Variants in COG5 observed in about 807,000 individuals in gnomAD.
COG5 encodes conserved oligomeric Golgi complex subunit 5.
A neutral mutation model predicts 110.4 loss-of-function variants in COG5; 86 were observed. The ratio of observed to expected loss-of-function variants is 0.78; its 90% CI spans 0.65 to 0.93. The LOEUF is 0.93. COG5 is among the 40% of genes least tolerant of loss of function. The probability of loss-of-function intolerance (pLI) is 0.00; values close to 1 mark genes in which losing one functional copy is unlikely to be tolerated. For synonymous variants in COG5, 360 were observed against 334.6 expected, an observed-to-expected ratio of 1.08 and a Z score of -0.83; for missense variants, 1,077 against 987.0, an observed-to-expected ratio of 1.09 and a Z score of -1.22.
intron 19 of COG5, among the ~76,000 whole-genome samples, chr7:107,227,617 C>T (rs1800445086): frequency 6.6e-6 from 1 of 151,806 alleles, no homozygotes; most frequent in Non-Finnish European, 1.5e-5. Flanking sequence ...GACCTTGTAT[C>T]TCCATACTAT....
At chr7:107,555,888 C>A (rs987776241) in intron 2 of COG5, among the ~76,000 whole-genome samples, 1 of 152,012 alleles carries the variant, frequency 6.6e-6, no homozygotes, top group African/African-American at 2.4e-5. Context: ...GTGGTGCACA[C>A]CTGTAATCTC....
At chr7:107,410,310 C>T (rs572190894) in intron 7 of COG5, among the ~76,000 whole-genome samples, 2 of 152,098 alleles carry the variant, frequency 1.3e-5, no homozygotes, top group Non-Finnish European at 2.9e-5. Context: ...GTTGAAGAGA[C>T]ACATCTTTGA....
In COG5 at chr7:107,202,265, C is replaced by T. The variant is rs1408127330; in HGVS notation, c.*1251G>A. On this transcript the variant is annotated 3_prime_UTR_variant, in exon 22 of 22. Transcript: ENST00000297135. ...CTTTATGGTGGGGGCAGACTTTGCA[C>T]TTACTGCAGTGCAACACTTGCACTT... is the stretch of plus-strand genomic sequence containing the variant. 1 of 152,624 alleles carries T rather than the reference C, an allele frequency of 6.6e-6. No homozygotes were observed. The highest frequency in any genetic ancestry group is 1.5e-5 in the Non-Finnish European group (1 of 68,028). 9.5% of individuals were successfully genotyped at this position (152,624 alleles called of 1,614,324 possible). A position where few individuals can be genotyped will look rare whatever the true frequency, so the allele number is the denominator to read the frequency against.
chr7:107,480,952 T>C (rs1212411360), intron 6 of COG5: 1 of 152,180 alleles, frequency 6.6e-6, no homozygotes, highest in East Asian at 1.9e-4. Flanking sequence ...TAATCCTACG[T>C]GTCTCTCCCA....
chr7:107,209,094 C>G lies in COG5; in HGVS notation c.2375+1432G>C, dbSNP rs904555812. 19 of 985,316 alleles carry G rather than the reference C, an allele frequency of 1.9e-5. No homozygotes were observed. In the African/African-American group the frequency reaches 2.6e-4, roughly 14 times the overall value. 61.0% of individuals were successfully genotyped at this position (985,316 alleles called of 1,614,324 possible). On this transcript the variant is annotated intron_variant, in intron 21 of 21. Transcript: ENST00000297135. ...CACATGTGGTTTAGAACCACCTCAT[C>G]ATGTCAGCCCCACTCTGGCTTTAGG...
At chr7:107,547,738 A>C (rs1052204946) in intron 5 of COG5, among the ~76,000 whole-genome samples, 3 of 152,208 alleles carry the variant, frequency 2.0e-5, no homozygotes, top group Admixed American at 6.5e-5. Flanking sequence ...CTAACAATGA[A>C]CTATCCAAAG....
chr7:107,202,187 C>T lies in COG5; in HGVS notation c.*1329G>A, dbSNP rs182338996. On this transcript the variant is annotated 3_prime_UTR_variant, in exon 22 of 22. Coordinates refer to ENST00000297135, the MANE Select transcript of COG5 (RefSeq NM_006348.5). Reference sequence around the variant, plus strand: ...TCAACACCATTGTATTTTTTAACTTCGTGTTCTGTATCTCCTCAGCCATGT... The same window carrying T: ...TCAACACCATTGTATTTTTTAACTTTGTGTTCTGTATCTCCTCAGCCATGT... 74 of 152,732 alleles carry T rather than the reference C, an allele frequency of 4.8e-4. No individual in the cohort carries two copies. The highest frequency in any genetic ancestry group is 4.9e-4 in the Non-Finnish European group (33 of 68,036). 9.5% of individuals were successfully genotyped at this position (152,732 alleles called of 1,614,324 possible).
At chr7:107,292,712 C>T (rs924491561) in intron 12 of COG5, among the ~76,000 whole-genome samples, 1 of 152,136 alleles carries the variant, frequency 6.6e-6, no homozygotes, top group Admixed American at 6.6e-5. Context: ...GTCTAAAGAA[C>T]TCCCCAAACC....
chr7:107,492,094 G>A (rs973534949), intron 6 of COG5, among the ~76,000 whole-genome samples: 1 of 151,306 alleles, frequency 6.6e-6, no homozygotes, highest in Non-Finnish European at 1.5e-5. Context: ...GCAATAAAAC[G>A]TCTTACAATT....
At chr7:107,388,824 C>T (rs1790403355) in intron 7 of COG5, among the ~76,000 whole-genome samples, 1 of 152,064 alleles carries the variant, frequency 6.6e-6, no homozygotes, top group African/African-American at 2.4e-5. Flanking sequence ...CCATGGCGTG[C>T]CTAGGACCCA....
intron 6 of COG5, among the ~76,000 whole-genome samples, chr7:107,501,618 T>C (rs976028873): frequency 6.6e-6 from 1 of 152,170 alleles, no homozygotes; most frequent in Non-Finnish European, 1.5e-5. Flanking sequence ...GTGGTATGAG[T>C]ATTACCTGTT....
intron 2 of COG5, 126 bp downstream of exon 2, chr7:107,557,850 A>G (rs923573068): frequency 1.1e-4 from 144 of 1,256,422 alleles, no homozygotes; most frequent in Non-Finnish European, 1.5e-4. Flanking sequence ...ACTTTGAAAA[A>G]TAAGTCACAC....
At chr7:107,548,231 G>T (rs1802605657) in intron 4 of COG5, 47 bp downstream of exon 4, 1 of 1,602,582 alleles carries the variant, frequency 6.2e-7, no homozygotes, top group Non-Finnish European at 8.5e-7. Flanking sequence ...AATATCAATG[G>T]ATAAAAACAT....
chr7:107,370,802 T>TCATA (rs1554425112), intron 8 of COG5, among the ~76,000 whole-genome samples: 69 of 143,406 alleles, frequency 4.8e-4, no homozygotes, highest in African/African-American at 1.7e-3. Context: ...AAAAAAAAAT[T>TCATA]TATATATATA....
rs973494425 is a variant in COG5, at chr7:107,415,754, A to G, written c.539-3122T>C. Among the ~76,000 whole-genome samples, 7 of 144,622 alleles carry G rather than the reference A, an allele frequency of 4.8e-5. No individual in the cohort carries two copies. The South Asian group carries it at 6.4e-4, about 13-fold the overall frequency. 94.9% of individuals were successfully genotyped at this position (144,622 alleles called of 152,430 possible). A position where few individuals can be genotyped will look rare whatever the true frequency, so the allele number is the denominator to read the frequency against. On this transcript the variant is annotated intron_variant, in intron 6 of 21. Coordinates refer to ENST00000297135, the MANE Select transcript of COG5 (RefSeq NM_006348.5). ...TATGTATATAAATACATGTATGTAT[A>G]TATGTATGTGTGTATATATACACAC...
At chr7:107,255,888 C>A (rs1802844434) in intron 16 of COG5, among the ~76,000 whole-genome samples, 2 of 152,068 alleles carry the variant, frequency 1.3e-5, no homozygotes, top group Admixed American at 1.3e-4. Context: ...AAGATGGTGG[C>A]AAGGTGTAGT....
At chr7:107,316,710 T>C (rs983394876) in intron 11 of COG5, among the ~76,000 whole-genome samples, 3 of 144,582 alleles carry the variant, frequency 2.1e-5, no homozygotes, top group African/African-American at 7.8e-5. Flanking sequence ...CGGGCGGCTA[T>C]AGTCCCAGCT....
At chr7:107,563,723 G>T in intron 1 of COG5, 80 bp downstream of exon 1, 1 of 1,527,946 alleles carries the variant, frequency 6.5e-7, no homozygotes, top group Non-Finnish European at 9.1e-7. Flanking sequence ...CAAAGCAACG[G>T]GTTGGGTCCA....
intron 10 of COG5, among the ~76,000 whole-genome samples, chr7:107,353,060 A>C (rs1385836997): frequency 6.6e-6 from 1 of 152,218 alleles, no homozygotes; most frequent in Non-Finnish European, 1.5e-5. Flanking sequence ...TGAATTTCTT[A>C]ATGTCTAATA....
Sources: allele counts gnomAD v4.1 joint callset (sites outside exome capture counted in the v4.1 genomes callset), GRCh38; gene constraint gnomAD v4.1.1; transcripts MANE v1.5; gene names NCBI Gene and HGNC (gene_info 2026-07-23, HGNC 2026-07-21).